Variants in KIAA0319 observed in about 807,000 individuals in gnomAD.
The protein encoded by KIAA0319 is dyslexia-associated protein KIAA0319.
In KIAA0319, 83 loss-of-function variants were observed where a neutral mutation model predicts 108.4. The ratio of observed to expected loss-of-function variants is 0.77; its 90% CI spans 0.64 to 0.92. KIAA0319 has a LOEUF of 0.92. Among genes scored for constraint, KIAA0319 ranks in the 40% least tolerant of loss-of-function variants. The pLI, the probability that KIAA0319 is intolerant of heterozygous loss-of-function variation, is 0.00. For missense variants in KIAA0319, 1,195 were observed against 1,322.4 expected (o/e 0.90, Z 1.49); for synonymous variants, 484 against 510.4 (o/e 0.95, Z 0.70).
rs942408149 is a variant in KIAA0319 at position 24,576,268 on chromosome 6, A to T, written c.1734+100T>A. 11 of 903,392 alleles carry T rather than the reference A, an allele frequency of 1.2e-5. No homozygotes were observed. The African/African-American group carries it at 1.7e-4, about 14-fold the overall frequency. The allele number at this position is 903,392 out of a possible 1,614,324, so 56.0% of individuals were successfully genotyped here. ...AATAGATCAGATAACTTTACAAAAT[A>T]AATTATCTAAATTTAACTGCCTACC... is the stretch of plus-strand genomic sequence containing the variant. On this transcript the variant is annotated intron_variant, in intron 10 of 20. Transcript: ENST00000378214.
At chr6:24,556,451 A>G (rs1223807153) in intron 18 of KIAA0319, among the ~76,000 whole-genome samples, 156 bp downstream of exon 18, 1 of 152,144 alleles carries the variant, frequency 6.6e-6, no homozygotes, top group Non-Finnish European at 1.5e-5. Flanking sequence ...ACAGGCATGC[A>G]TCACCATGCC....
chr6:24,591,734 T>A (rs1438018399), intron 3 of KIAA0319, among the ~76,000 whole-genome samples: 1 of 152,240 alleles, frequency 6.6e-6, no homozygotes, highest in Non-Finnish European at 1.5e-5. Flanking sequence ...TCTAGCCATC[T>A]AGTAGATGTG....
intron 5 of KIAA0319, chr6:24,583,358 T>G (rs963729889): frequency 8.1e-6 from 5 of 616,774 alleles, no homozygotes; most frequent in Non-Finnish European, 1.2e-5. Context: ...CATCAGAAAT[T>G]TATGACTTTC....
rs1327055394 is a variant in KIAA0319, at chr6:24,595,865, ACACT to A, written c.801+4_801+7del. The A allele has an allele frequency of 1.9e-6, 3 of 1,584,032 alleles. No individual in the cohort carries two copies. Among genetic ancestry groups the A allele is most frequent in the African/African-American group, 1.3e-5 (1 of 74,512 alleles). The stretch of plus-strand genomic sequence containing the variant: ...TCCCACCCCCAAGCACATCCTGAAC[ACACT>A]CACCTCTTTTCCAGAGCTGTTGCTG... On this transcript the variant is annotated splice_donor_5th_base_variant and intron_variant, in intron 3 of 20. Transcript: ENST00000378214.
intron 10 of KIAA0319, among the ~76,000 whole-genome samples, chr6:24,574,478 C>A (rs920272285): frequency 6.6e-6 from 1 of 152,108 alleles, no homozygotes; most frequent in African/African-American, 2.4e-5. Context: ...TCTAAGTCAA[C>A]CTAAGTTTTT....
chr6:24,603,021 C>G (rs9393566), intron 1 of KIAA0319, among the ~76,000 whole-genome samples: 10,652 of 152,062 alleles, frequency 0.07, 1,060 homozygotes, highest in East Asian at 0.44. Flanking sequence ...AATAAGCACC[C>G]CCCTCAATCT....
rs192776462 is a variant in KIAA0319 at position 24,569,158 on chromosome 6, C to G, written c.1992-229G>C. Reference sequence around the variant, plus strand: ...GATTACTGGGAAGAGAATATTTGTTCTCGATTTTTTTAAGTCAAGCTGCCA... The same window carrying G: ...GATTACTGGGAAGAGAATATTTGTTGTCGATTTTTTTAAGTCAAGCTGCCA... On this transcript the variant is annotated intron_variant, in intron 12 of 20. Coordinates refer to ENST00000378214, the MANE Select transcript of KIAA0319 (RefSeq NM_014809.4). Among the ~76,000 whole-genome samples the G allele has an allele frequency of 5.9e-3, 898 of 152,278 alleles. 35 individuals are homozygous for G. Among genetic ancestry groups the G allele is most frequent in the Admixed American group, 0.05 (769 of 15,290 alleles).
chr6:24,588,718 C>T lies in KIAA0319; in HGVS notation c.869G>A (p.Ser290Asn). 4.3e-6 allele frequency: 7 copies of T among 1,613,926 alleles called. No individual in the cohort carries two copies. Among genetic ancestry groups the T allele is most frequent in the Non-Finnish European group, 4.2e-6 (5 of 1,179,984 alleles). ...LELSSVTVEK[S>N]PVLTVTPGST... ...CCCCGGGGTGACTGTGAGCACTGGG[C>T]TTTTCTCCACGGTGACTGAGCTGAG... Residue 290 changes from serine to asparagine, a missense_variant, in exon 4 of 21, where the codon AGC becomes AAC. Physicochemically the swap from Ser to Asn is conservative, Grantham distance 46. Transcript: ENST00000378214.
chr6:24,559,345 C>T (rs1581920039), intron 16 of KIAA0319, among the ~76,000 whole-genome samples, 190 bp from the exon 17 acceptor site: 1 of 152,300 alleles, frequency 6.6e-6, no homozygotes. Flanking sequence ...TCAGTCTCAA[C>T]GTACAGCTGA....
At chr6:24,553,783 G>C (rs555468677) in intron 19 of KIAA0319, among the ~76,000 whole-genome samples, 2 of 152,310 alleles carry the variant, frequency 1.3e-5, no homozygotes, top group East Asian at 3.9e-4. Flanking sequence ...CAAGACGACA[G>C]GGTTCAGGGA....
chr6:24,572,436 C>T, intron 11 of KIAA0319, 139 bp downstream of exon 11: 1 of 937,272 alleles, frequency 1.1e-6, no homozygotes, highest in Non-Finnish European at 1.6e-6. Flanking sequence ...GATTTAGAAC[C>T]TTGAAATGAA....
At chr6:24,639,741 G>A (rs111869057) in intron 1 of KIAA0319, among the ~76,000 whole-genome samples, 4 of 151,768 alleles carry the variant, frequency 2.6e-5, no homozygotes, top group Admixed American at 6.6e-5. Context: ...CCAGCTACTC[G>A]GGAGGCTGAG....
chr6:24,624,821 T>C (rs1275996134), intron 1 of KIAA0319, among the ~76,000 whole-genome samples: 1 of 152,242 alleles, frequency 6.6e-6, no homozygotes, highest in East Asian at 1.9e-4. Context: ...TATTTCCTTC[T>C]ACATGCAATG....
At chr6:24,580,017 A>C in intron 7 of KIAA0319, 67 bp from the exon 8 acceptor site, 3 of 1,214,604 alleles carry the variant, frequency 2.5e-6, no homozygotes, top group Non-Finnish European at 3.5e-6. Flanking sequence ...CCCACATAAA[A>C]TCATCTACTT....
intron 8 of KIAA0319, among the ~76,000 whole-genome samples, chr6:24,579,524 TATATATATATAC>T (rs1331268662): frequency 7.2e-5 from 10 of 139,668 alleles, no homozygotes; most frequent in African/African-American, 2.6e-4. Flanking sequence ...TTATATATCT[TATATATATATAC>T]ATATATATAT....
intron 6 of KIAA0319, 67 bp from the exon 7 acceptor site, chr6:24,581,080 G>C (rs1160585482): frequency 3.0e-6 from 3 of 999,166 alleles, no homozygotes; most frequent in African/African-American, 3.2e-5. Context: ...CGTAGAAAAA[G>C]CTAAAATGTC....
chr6:24,612,868 C>G (rs945907091), intron 1 of KIAA0319, among the ~76,000 whole-genome samples: 1 of 152,004 alleles, frequency 6.6e-6, no homozygotes, highest in Non-Finnish European at 1.5e-5. Flanking sequence ...GCACGATCTC[C>G]GCTCAATGCA....
intron 1 of KIAA0319, among the ~76,000 whole-genome samples, chr6:24,636,571 T>G (rs1332722406): frequency 6.6e-6 from 1 of 152,160 alleles, no homozygotes; most frequent in Non-Finnish European, 1.5e-5. Flanking sequence ...ATCAAATTTA[T>G]GATGAAGCTT....
chr6:24,609,273 C>CA (rs886616830), intron 1 of KIAA0319, among the ~76,000 whole-genome samples: 26,333 of 74,960 alleles, frequency 0.35, 3,378 homozygotes, highest in African/African-American at 0.43. Context: ...GTCTCAAAAA[C>CA]AAAAAAAAAA....
Sources: gnomAD v4.1 joint callset for allele counts (sites outside exome capture counted in the v4.1 genomes callset) on GRCh38, gnomAD v4.1.1 for gene constraint, MANE v1.5 for transcripts, NCBI Gene and HGNC (gene_info 2026-07-23, HGNC 2026-07-21) for gene names.